MAP2: variants seen among roughly 807,000 people sequenced by gnomAD.
The protein encoded by MAP2 is microtubule-associated protein 2.
A neutral mutation model predicts 137.6 loss-of-function variants in MAP2; 14 were observed. The ratio of observed to expected loss-of-function variants is 0.10; its 90% CI spans 0.07 to 0.16. MAP2 has a LOEUF of 0.16. Ranked by LOEUF, MAP2 falls within the 10% of genes least tolerant of loss-of-function variation. MAP2 has a pLI of 1.00. For missense variants in MAP2, 2,088 were observed against 2,191.5 expected (o/e 0.95, Z 0.94); for synonymous variants, 786 against 782.3 (o/e 1.00, Z -0.08).
intron 2 of MAP2, among the ~76,000 whole-genome samples, chr2:209,577,563 C>T (rs966578991): frequency 6.6e-6 from 1 of 152,086 alleles, no homozygotes; most frequent in Non-Finnish European, 1.5e-5. Context: ...AGAAATTTTG[C>T]GCCCTCCAGT....
At chr2:209,669,707 G>A (rs2047955337) in intron 5 of MAP2, among the ~76,000 whole-genome samples, 1 of 151,740 alleles carries the variant, frequency 6.6e-6, no homozygotes, top group Non-Finnish European at 1.5e-5. Flanking sequence ...GACCTGTGAG[G>A]TATCCATGTA....
At chr2:209,515,102 G>A (rs1223857161) in intron 2 of MAP2, among the ~76,000 whole-genome samples, 1 of 152,052 alleles carries the variant, frequency 6.6e-6, no homozygotes, top group Non-Finnish European at 1.5e-5. Context: ...GTGTCTTACG[G>A]TTATCAACTT....
chr2:209,624,701 G>T (rs1029148478), intron 3 of MAP2, among the ~76,000 whole-genome samples: 5 of 152,136 alleles, frequency 3.3e-5, no homozygotes, highest in African/African-American at 1.2e-4. Flanking sequence ...TAGAATGAAT[G>T]TATTCTCTTG....
At chr2:209,703,662 A>G (rs1487019609) in intron 11 of MAP2, among the ~76,000 whole-genome samples, 19 of 152,070 alleles carry the variant, frequency 1.2e-4, no homozygotes, top group Admixed American at 1.2e-3. Context: ...TTCTTTCTAT[A>G]TTAAGGCTTA....
intron 2 of MAP2, among the ~76,000 whole-genome samples, chr2:209,563,649 C>T (rs980849256): frequency 2.6e-5 from 4 of 152,162 alleles, no homozygotes; most frequent in Non-Finnish European, 5.9e-5. Context: ...GGAATCCAGT[C>T]CCAAGCTCTG....
At chr2:209,570,364 C>G (rs2074191992) in intron 2 of MAP2, among the ~76,000 whole-genome samples, 1 of 151,854 alleles carries the variant, frequency 6.6e-6, no homozygotes, top group Non-Finnish European at 1.5e-5. Context: ...AATTTCTGCT[C>G]TACCACTTAC....
intron 2 of MAP2, among the ~76,000 whole-genome samples, chr2:209,554,426 T>C (rs1310110187): frequency 6.6e-6 from 1 of 152,168 alleles, no homozygotes; most frequent in African/African-American, 2.4e-5. Flanking sequence ...GGTACCATTG[T>C]GAGTTAAGAT....
In MAP2 at chr2:209,692,924, C is replaced by T. The variant is rs1417473870; in HGVS notation, c.754C>T (p.Leu252Phe). ...AAGCCTTGTAGTACCTGGCATTGAC[C>T]TCCCTAAAGAGCCTCCAACTCCAAA... Reference protein sequence around the residue: ...EPSLVVPGIDLPKEPPTPKEQ... With the variant: ...EPSLVVPGIDFPKEPPTPKEQ... The change falls in exon 8 of 16, where the codon CTC (leucine) becomes TTC (phenylalanine). Residue 252 changes from leucine to phenylalanine, a missense_variant. By Grantham distance (22) the Leu-to-Phe change is conservative. Around this residue, in one of 6 missense-constraint regions of MAP2, gnomAD observed 859 missense variants for 794.5 expected, o/e 1.08. Coordinates refer to ENST00000682079, the MANE Select transcript of MAP2 (RefSeq NM_001375505.1). The T allele has an allele frequency of 2.5e-6, 4 of 1,613,956 alleles. No individual in the cohort carries two copies. The South Asian group carries it at 3.3e-5, about 13-fold the overall frequency.
At chr2:209,447,144 C>T (rs1312514256) in intron 1 of MAP2, among the ~76,000 whole-genome samples, 1 of 151,994 alleles carries the variant, frequency 6.6e-6, no homozygotes, top group African/African-American at 2.4e-5. Context: ...TCTACATGGA[C>T]ATGAAATTGT....
At chr2:209,482,309 T>G (rs1479096150) in intron 1 of MAP2, among the ~76,000 whole-genome samples, 2 of 152,170 alleles carry the variant, frequency 1.3e-5, no homozygotes, top group Non-Finnish European at 2.9e-5. Flanking sequence ...TAAATGACTG[T>G]CAGTAAGTTA....
chr2:209,678,558 A>C lies in MAP2; in HGVS notation c.263-14A>C. 1 of 1,331,914 alleles carries C rather than the reference A, an allele frequency of 7.5e-7. No homozygotes were observed. The allele number at this position is 1,331,914 out of a possible 1,614,324, so 82.5% of individuals were successfully genotyped here. A position where few individuals can be genotyped will look rare whatever the true frequency, so the allele number is the denominator to read the frequency against. Reference sequence around the variant, plus strand: ...TCTCATCGTTATATTTTATTTTGTTACTGTTTATTACAGAGGAGGTGTCTG... The same window carrying C: ...TCTCATCGTTATATTTTATTTTGTTCCTGTTTATTACAGAGGAGGTGTCTG... On this transcript the variant is annotated splice_polypyrimidine_tract_variant and intron_variant, in intron 5 of 15. Coordinates refer to ENST00000682079, the MANE Select transcript of MAP2 (RefSeq NM_001375505.1).
intron 5 of MAP2, among the ~76,000 whole-genome samples, chr2:209,675,738 A>G (rs1049308493): frequency 1.3e-5 from 2 of 151,850 alleles, no homozygotes; most frequent in Non-Finnish European, 2.9e-5. Context: ...CTCAGTTATA[A>G]TTTGCTCATA....
intron 1 of MAP2, among the ~76,000 whole-genome samples, chr2:209,433,329 C>T (rs200709850): frequency 1.3e-5 from 2 of 151,960 alleles, no homozygotes; most frequent in East Asian, 1.9e-4. Flanking sequence ...CAGTAGTACC[C>T]GGAGGAAAAG....
chr2:209,431,922 CACTT>C (rs1037247963), intron 1 of MAP2, among the ~76,000 whole-genome samples: 38 of 152,144 alleles, frequency 2.5e-4, no homozygotes, highest in Non-Finnish European at 4.6e-4. Flanking sequence ...ATCCAGGAAA[CACTT>C]ACAAAGCTAC....
At chr2:209,555,777 A>C (rs968521439) in intron 2 of MAP2, among the ~76,000 whole-genome samples, 1 of 152,240 alleles carries the variant, frequency 6.6e-6, no homozygotes, top group South Asian at 2.1e-4. Flanking sequence ...AGCCAGGAAA[A>C]CCAAGCGATA....
chr2:209,644,748 T>C (rs1490795123), intron 4 of MAP2, among the ~76,000 whole-genome samples: 1 of 152,004 alleles, frequency 6.6e-6, no homozygotes, highest in East Asian at 1.9e-4. Flanking sequence ...GTTTTTTATA[T>C]TGCTATCATG....
chr2:209,683,671 G>A (rs1480035321), intron 7 of MAP2, among the ~76,000 whole-genome samples: 1 of 152,072 alleles, frequency 6.6e-6, no homozygotes, highest in Non-Finnish European at 1.5e-5. Flanking sequence ...ATTGCTTATA[G>A]CAGGTCAGGT....
chr2:209,657,281 G>C (rs889022564), intron 5 of MAP2, among the ~76,000 whole-genome samples: 2 of 152,102 alleles, frequency 1.3e-5, no homozygotes, highest in Admixed American at 1.3e-4. Context: ...TTTTCCATTG[G>C]GTAGATACCC....
At chr2:209,539,014 G>C (rs184148520) in intron 2 of MAP2, among the ~76,000 whole-genome samples, 31 of 152,126 alleles carry the variant, frequency 2.0e-4, no homozygotes, top group African/African-American at 7.0e-4. Flanking sequence ...AAAAATATTA[G>C]AATGATACAC....
Sources: allele counts gnomAD v4.1 joint callset (sites outside exome capture counted in the v4.1 genomes callset), GRCh38; gene constraint gnomAD v4.1.1; regional missense constraint gnomAD v4.1.1; transcripts MANE v1.5; gene names NCBI Gene and HGNC (gene_info 2026-07-23, HGNC 2026-07-21).